Variants in ANKS1B observed in about 807,000 individuals in gnomAD.
The protein encoded by ANKS1B is ankyrin repeat and sterile alpha motif domain-containing protein 1B.
ANKS1B carries 36 observed loss-of-function variants against 148.3 expected under a neutral mutation model. That is an observed-to-expected ratio of 0.24 (90% CI 0.19 to 0.32). ANKS1B has a LOEUF of 0.32. ANKS1B is among the 10% of genes least tolerant of loss of function. ANKS1B has a pLI of 1.00. For synonymous variants in ANKS1B, 542 were observed against 560.8 expected, an observed-to-expected ratio of 0.97 and a Z score of 0.47; for missense variants, 1,157 against 1,542.6, an observed-to-expected ratio of 0.75 and a Z score of 4.19.
intron 17 of ANKS1B, among the ~76,000 whole-genome samples, chr12:99,011,091 C>T (rs1000362477): frequency 6.6e-6 from 1 of 151,914 alleles, no homozygotes; most frequent in African/African-American, 2.4e-5. Flanking sequence ...CTTCCTGACT[C>T]AATGCTCACC....
intron 9 of ANKS1B, among the ~76,000 whole-genome samples, chr12:99,627,799 C>A (rs1049911574): frequency 6.6e-6 from 1 of 152,062 alleles, no homozygotes; most frequent in African/African-American, 2.4e-5. Flanking sequence ...AAAAGAAATT[C>A]TTTGCATGTT....
chr12:99,091,350 C>T (rs1320554400), intron 15 of ANKS1B, among the ~76,000 whole-genome samples: 1 of 152,036 alleles, frequency 6.6e-6, no homozygotes, highest in Non-Finnish European at 1.5e-5. Flanking sequence ...TTTAAGTAAC[C>T]AGGTATTTAT....
intron 8 of ANKS1B, among the ~76,000 whole-genome samples, chr12:99,719,069 GCC>G (rs2057775674): frequency 6.6e-6 from 1 of 152,160 alleles, no homozygotes; most frequent in African/African-American, 2.4e-5. Context: ...TTACAGAAGA[GCC>G]AGGACTGCAC....
chr12:98,794,844 G>A, intron 22 of ANKS1B: 1 of 1,602,316 alleles, frequency 6.2e-7, no homozygotes, highest in Non-Finnish European at 8.5e-7. Context: ...AGAAAGTTCA[G>A]GATATCAAAG....
chr12:99,456,713 TAAAGAC>T (rs1389948485), intron 10 of ANKS1B, among the ~76,000 whole-genome samples: 2 of 151,958 alleles, frequency 1.3e-5, no homozygotes, highest in Non-Finnish European at 2.9e-5. Flanking sequence ...CCCAATCTGA[TAAAGAC>T]AAAGAAAATT....
intron 10 of ANKS1B, among the ~76,000 whole-genome samples, chr12:99,471,353 T>C (rs2096239239): frequency 6.6e-6 from 1 of 152,050 alleles, no homozygotes; most frequent in African/African-American, 2.4e-5. Flanking sequence ...TACCTAGTTA[T>C]TATAACTTTG....
At chr12:99,353,076 G>A (rs564762163) in intron 12 of ANKS1B, among the ~76,000 whole-genome samples, 1 of 151,882 alleles carries the variant, frequency 6.6e-6, no homozygotes, top group Non-Finnish European at 1.5e-5. Flanking sequence ...CCCAAGCCCC[G>A]GTTACCCTTC....
chr12:99,369,744 A>G (rs1265646946), intron 12 of ANKS1B, among the ~76,000 whole-genome samples: 1 of 124,480 alleles, frequency 8.0e-6, no homozygotes, highest in African/African-American at 3.1e-5. Flanking sequence ...ATAAATGGAT[A>G]GAAAGATAGA....
At chr12:99,902,377 C>T (rs546691851) in intron 1 of ANKS1B, among the ~76,000 whole-genome samples, 1 of 152,236 alleles carries the variant, frequency 6.6e-6, no homozygotes, top group African/African-American at 2.4e-5. Flanking sequence ...CACAAGACGA[C>T]ATCAGAAAGC....
intron 17 of ANKS1B, among the ~76,000 whole-genome samples, chr12:99,026,895 T>C (rs916021855): frequency 6.6e-6 from 1 of 152,212 alleles, no homozygotes; most frequent in Non-Finnish European, 1.5e-5. Flanking sequence ...ACAGTGAATT[T>C]AGAGCATCTA....
intron 12 of ANKS1B, among the ~76,000 whole-genome samples, chr12:99,383,849 C>CAAAAAAAAAA (rs1160915276): frequency 2.6e-5 from 2 of 77,826 alleles, no homozygotes; most frequent in African/African-American, 4.5e-5. Flanking sequence ...CCCATCTCTA[C>CAAAAAAAAAA]AAAAAAAAAA....
chr12:99,052,398 C>G (rs1386599277), intron 17 of ANKS1B, among the ~76,000 whole-genome samples: 1 of 152,140 alleles, frequency 6.6e-6, no homozygotes, highest in South Asian at 2.1e-4. Flanking sequence ...TAAAAGCAGT[C>G]TCTTGGAGTG....
At chr12:98,765,822 T>C (rs1157802621) in intron 25 of ANKS1B, among the ~76,000 whole-genome samples, 1 of 152,200 alleles carries the variant, frequency 6.6e-6, no homozygotes, top group African/African-American at 2.4e-5. Context: ...TCTGGGACTC[T>C]TGACCTTAGG....
chr12:98,989,901 GGAA>G (rs973491474), intron 17 of ANKS1B, among the ~76,000 whole-genome samples: 8 of 145,642 alleles, frequency 5.5e-5, no homozygotes, highest in African/African-American at 1.8e-4. Flanking sequence ...TCTTAAGAAA[GGAA>G]GAAGGAAAGA....
intron 11 of ANKS1B, among the ~76,000 whole-genome samples, chr12:99,416,569 T>C (rs1378685584): frequency 6.6e-6 from 1 of 152,216 alleles, no homozygotes; most frequent in Non-Finnish European, 1.5e-5. Flanking sequence ...CTCATTGTGG[T>C]TTTACTTTGC....
intron 12 of ANKS1B, among the ~76,000 whole-genome samples, chr12:99,289,962 T>C (rs1482073465): frequency 6.6e-6 from 1 of 151,058 alleles, no homozygotes; most frequent in Non-Finnish European, 1.5e-5. Context: ...AAAAGAATAA[T>C]ACAAAACGTC....
intron 17 of ANKS1B, among the ~76,000 whole-genome samples, chr12:98,846,416 A>G (rs948262729): frequency 2.0e-5 from 3 of 152,234 alleles, no homozygotes; most frequent in Admixed American, 1.3e-4. Flanking sequence ...TAGGCCAGCC[A>G]TGGTTCACAA....
chr12:99,438,020 T>C (rs1001559787), intron 11 of ANKS1B, among the ~76,000 whole-genome samples: 2 of 151,984 alleles, frequency 1.3e-5, no homozygotes, highest in Non-Finnish European at 2.9e-5. Flanking sequence ...TCTTCTCCTC[T>C]ATCTTCCTGG....
chr12:99,246,531 C>T lies in ANKS1B; in HGVS notation c.2090G>A (p.Arg697Gln), dbSNP rs780756677. 2.1e-5 allele frequency: 34 copies of T among 1,613,816 alleles called. No individual in the cohort carries two copies. Among genetic ancestry groups the T allele is most frequent in the Non-Finnish European group, 2.5e-5 (29 of 1,179,890 alleles). ...VGTRSTRSGS[R>Q]NGDQWVMNAG... The stretch of plus-strand genomic sequence containing the variant: ...GTTCATAACCCACTGGTCCCCATTC[C>T]GAGATCCACTCCTGGTTGATCTTGT... Residue 697 changes from arginine to glutamine, a missense_variant, in exon 13 of 27, where the codon CGG becomes CAG. Arg to Gln is a conservative substitution (Grantham distance 43). Coordinates refer to ENST00000683438, the MANE Select transcript of ANKS1B (RefSeq NM_001352186.2).
Sources: gnomAD v4.1 joint callset for allele counts (sites outside exome capture counted in the v4.1 genomes callset) on GRCh38, gnomAD v4.1.1 for gene constraint, MANE v1.5 for transcripts, NCBI Gene and HGNC (gene_info 2026-07-23, HGNC 2026-07-21) for gene names.